Variants in INTS4 observed in about 807,000 individuals in gnomAD.
INTS4 encodes the protein integrator complex subunit 4, also known as MSTP093.
INTS4 carries 70 observed loss-of-function variants against 119.5 expected under a neutral mutation model. The observed-to-expected ratio is 0.59, with a 90% CI of 0.48 to 0.71. The LOEUF (loss-of-function observed/expected upper bound fraction) is 0.71. Among genes scored for constraint, INTS4 ranks in the 30% least tolerant of loss-of-function variants. The probability of loss-of-function intolerance (pLI) is 0.00; values close to 1 mark genes in which losing one functional copy is unlikely to be tolerated. For missense variants in INTS4, 867 were observed against 1,173.2 expected (o/e 0.74, Z 3.81); for synonymous variants, 316 against 419.6 (o/e 0.75, Z 3.02).
chr11:77,941,073 C>T, intron 9 of INTS4, 107 bp downstream of exon 9: 2 of 1,436,086 alleles, frequency 1.4e-6, no homozygotes, highest in East Asian at 2.4e-5. Context: ...ATACAGTTAT[C>T]ATGTTAATTT....
chr11:77,892,863 G>A (rs1250646475), intron 19 of INTS4, among the ~76,000 whole-genome samples: 2 of 152,188 alleles, frequency 1.3e-5, no homozygotes, highest in South Asian at 2.1e-4. Context: ...GATTACAGGC[G>A]TGAGCCACCG....
intron 19 of INTS4, among the ~76,000 whole-genome samples, chr11:77,894,077 C>T (rs1479058811): frequency 6.6e-6 from 1 of 151,918 alleles, no homozygotes; most frequent in Non-Finnish European, 1.5e-5. Flanking sequence ...AGTTTTGAAG[C>T]TCCAACTTCA....
chr11:77,953,199 C>A (rs1954237016), intron 8 of INTS4, among the ~76,000 whole-genome samples: 1 of 152,154 alleles, frequency 6.6e-6, no homozygotes, highest in African/African-American at 2.4e-5. Context: ...CAGTCAGAAA[C>A]AAAGCATTCA....
chr11:77,897,680 T>TA, intron 18 of INTS4, among the ~76,000 whole-genome samples: 1 of 151,396 alleles, frequency 6.6e-6, no homozygotes, highest in African/African-American at 2.4e-5. Flanking sequence ...TTTTTTTTTT[T>TA]ATTTTTAGTA....
chr11:77,942,237 T>C (rs1384688299), intron 8 of INTS4, among the ~76,000 whole-genome samples: 2 of 152,172 alleles, frequency 1.3e-5, no homozygotes, highest in South Asian at 2.1e-4. Flanking sequence ...AATGCTGTAA[T>C]ACACATCTAG....
At position 77,905,409 on chromosome 11, in the gene INTS4, G is replaced by A. The variant is rs186108472; in HGVS notation, c.2017-1789C>T. Among the ~76,000 whole-genome samples the A allele has an allele frequency of 2.1e-3, 324 of 151,560 alleles. 2 individuals carry two copies. The highest frequency in any genetic ancestry group is 6.3e-3 in the South Asian group (30 of 4,798). ...GAGGCAGAGGTTGCAGCAGTGAGCC[G>A]AGATCACGCCACTGTATTCAGCCTG... On this transcript the variant is annotated intron_variant, in intron 16 of 22. Coordinates refer to ENST00000534064, the MANE Select transcript of INTS4 (RefSeq NM_033547.4).
intron 2 of INTS4, among the ~76,000 whole-genome samples, chr11:77,989,373 G>C (rs540737878): frequency 6.6e-6 from 1 of 152,074 alleles, no homozygotes; most frequent in Non-Finnish European, 1.5e-5. Context: ...TGTAGTCCCA[G>C]CTACTTGGGA....
rs1172220620 is a variant in INTS4, at chr11:77,981,595, T to C, written c.247-19A>G. 2.2e-6 allele frequency: 3 copies of C among 1,370,020 alleles called. No homozygotes were observed. The highest frequency in any genetic ancestry group is 3.1e-6 in the Non-Finnish European group (3 of 978,080). 84.9% of individuals were successfully genotyped at this position (1,370,020 alleles called of 1,614,324 possible). The stretch of plus-strand genomic sequence containing the variant: ...CATTCTCCTGGAAAAAAAGAAGCAA[T>C]TGTCACTTTGATGCTTTACACTTAG... On this transcript the variant is annotated intron_variant, in intron 2 of 22. Transcript: ENST00000534064.
chr11:77,954,416 C>T, intron 8 of INTS4, among the ~76,000 whole-genome samples: 1 of 152,034 alleles, frequency 6.6e-6, no homozygotes, highest in Admixed American at 6.6e-5. Context: ...TCCTAAAGTG[C>T]TAGGATTATG....
At chr11:77,894,460 T>C (rs912385940) in intron 18 of INTS4, 111 bp from the exon 19 acceptor site, 8 of 563,070 alleles carry the variant, frequency 1.4e-5, no homozygotes, top group Non-Finnish European at 2.2e-5. Context: ...TATTATACTA[T>C]AAAAATGATC....
rs1856650005 is a variant in INTS4 at position 77,990,764 on chromosome 11, AAAGG to A, written c.246+340_246+343del. ...TTAGATATGAGGGCCATGAATTAGG[AAAGG>A]AACAGCAGGACCACATTCCAGAGAT... On this transcript the variant is annotated intron_variant, in intron 2 of 22. Transcript: ENST00000534064. Among the ~76,000 whole-genome samples, 3 of 152,040 alleles carry A rather than the reference AAAGG, an allele frequency of 2.0e-5. No homozygotes were observed. In the South Asian group the frequency reaches 6.2e-4, roughly 32 times the overall value.
At chr11:77,937,844 T>TTTAC (rs1212051697) in intron 10 of INTS4, among the ~76,000 whole-genome samples, 6 of 150,706 alleles carry the variant, frequency 4.0e-5, no homozygotes, top group Admixed American at 3.3e-4. Flanking sequence ...TATTTATTTA[T>TTTAC]TTATTTATTT....
chr11:77,968,615 A>T (rs1855589175), intron 4 of INTS4, among the ~76,000 whole-genome samples: 1 of 152,208 alleles, frequency 6.6e-6, no homozygotes, highest in African/African-American at 2.4e-5. Context: ...ATGCCACTAA[A>T]CAATATGTTT....
Position 77,879,046 on chromosome 11 carries a change from C to A in INTS4, c.2795G>T (p.Gly932Val), listed in dbSNP as rs1387356555. ...RIPKCPWMEG[G>V]EMSPQVETSI... ...GGTTTCCACCTGTGGTGACATCTCA[C>A]CACCCTCCATCCAGGGGCATTTTGG... The change falls in exon 23 of 23, where the codon GGT becomes GTT. Residue 932 changes from glycine (G) to valine (V), a missense_variant. By Grantham distance (109) the Gly-to-Val change is moderately radical. Around this residue, in one of 5 missense-constraint regions of INTS4, gnomAD observed 122 missense variants for 133.2 expected, o/e 0.92. Transcript: ENST00000534064. 1 of 1,614,032 alleles carries A rather than the reference C, an allele frequency of 6.2e-7. No individual in the cohort carries two copies. The highest frequency in any genetic ancestry group is 8.5e-7 in the Non-Finnish European group (1 of 1,180,022).
chr11:77,881,072 A>G (rs1951774371), intron 22 of INTS4, among the ~76,000 whole-genome samples: 1 of 152,224 alleles, frequency 6.6e-6, no homozygotes. Flanking sequence ...GCAATGCCAT[A>G]GGAGTAAAGC....
intron 7 of INTS4, among the ~76,000 whole-genome samples, chr11:77,956,765 A>G (rs2136571378): frequency 6.9e-6 from 1 of 145,868 alleles, no homozygotes; most frequent in East Asian, 2.0e-4. Context: ...TAATAAACAA[A>G]TAAATACATA....
intron 18 of INTS4, among the ~76,000 whole-genome samples, chr11:77,901,188 G>C (rs948817034): frequency 4.6e-5 from 7 of 152,304 alleles, no homozygotes; most frequent in South Asian, 4.1e-4. Context: ...ATGTAATGGA[G>C]AGTCACCAGA....
chr11:77,879,985 C>T (rs181166294), intron 22 of INTS4, among the ~76,000 whole-genome samples: 4 of 152,264 alleles, frequency 2.6e-5, no homozygotes, highest in Admixed American at 2.6e-4. Context: ...CAGATGCACA[C>T]CTGGGTAAGA....
Position 77,891,732 on chromosome 11 carries a change from T to C in INTS4, c.2397A>G (p.Leu799=), listed in dbSNP as rs751983145. 34 of 1,611,838 alleles carry C rather than the reference T, an allele frequency of 2.1e-5. No homozygotes were observed. The East Asian group carries it at 6.2e-4, about 30-fold the overall frequency. Residue 799 remains leucine, a synonymous_variant, in exon 20 of 23, where the codon CTA becomes CTG. Coordinates refer to ENST00000534064, the MANE Select transcript of INTS4 (RefSeq NM_033547.4). ...TSKPAEVVKI[L]QTMLRQSAFL... ...AGGCACTCTGTCGCAGCATGGTCTG[T>C]AGAATTTTGACCACTTCTGCAGGTT...
Sources: gnomAD v4.1 joint callset for allele counts (sites outside exome capture counted in the v4.1 genomes callset) on GRCh38, gnomAD v4.1.1 for gene constraint, gnomAD v4.1.1 regional missense constraint, MANE v1.5 for transcripts, NCBI Gene and HGNC (gene_info 2026-07-23, HGNC 2026-07-21) for gene names.